CPNE7: variants seen among roughly 807,000 people sequenced by gnomAD.
CPNE7 encodes the protein copine 7.
Under a neutral mutation model 66.5 loss-of-function variants are expected in CPNE7, and 78 were observed. The ratio of observed to expected loss-of-function variants is 1.17; its 90% CI spans 0.98 to 1.42. CPNE7 has a LOEUF of 1.42. Among genes scored for constraint, CPNE7 ranks in the 40% most tolerant of loss-of-function variants. The pLI is 0.00. For synonymous variants in CPNE7, 468 were observed against 336.7 expected, an observed-to-expected ratio of 1.39 and a Z score of -4.27; for missense variants, 1,012 against 776.6, an observed-to-expected ratio of 1.30 and a Z score of -3.60.
chr16:89,579,100 C>A, intron 2 of CPNE7: 2 of 747,414 alleles, frequency 2.7e-6, no homozygotes, highest in Non-Finnish European at 4.0e-6. Context: ...ACCAGCCTGG[C>A]CAACATGATG....
chr16:89,575,806 G>A lies in CPNE7; in HGVS notation c.-92G>A, dbSNP rs1317831532. On this transcript the variant is annotated 5_prime_UTR_variant, in exon 1 of 15. Coordinates refer to ENST00000319518, the MANE Select transcript of CPNE7 (RefSeq NM_153636.3). ...GTTCAGGGAAGCGCGGCCACGCCTGGGCCGGCCACCATTTCCCGGGCGCCG... is the reference window on the plus strand; with the variant it reads ...GTTCAGGGAAGCGCGGCCACGCCTGAGCCGGCCACCATTTCCCGGGCGCCG... The A allele has an allele frequency of 2.1e-6, 2 of 972,580 alleles. No individual in the cohort carries two copies. The highest frequency in any genetic ancestry group is 2.5e-6 in the Non-Finnish European group (2 of 797,842). 60.2% of individuals were successfully genotyped at this position (972,580 alleles called of 1,614,324 possible).
At chr16:89,583,655 G>A (rs551078270) in intron 2 of CPNE7, 42 bp from the exon 3 acceptor site, 42 of 1,611,422 alleles carry the variant, frequency 2.6e-5, no homozygotes, top group Middle Eastern at 1.7e-4. Context: ...GTCAGGAGCC[G>A]TCCCCGCCTG....
rs754830577 is a variant in CPNE7, at chr16:89,591,080, G to C, written c.1168+22G>C. On this transcript the variant is annotated intron_variant, in intron 12 of 14. Transcript: ENST00000319518. The stretch of plus-strand genomic sequence containing the variant: ...GAAGGTAGGAGCTCGAGGCAGGCCT[G>C]GGGAGGGGAGTGCAGGGGGGCCGGG... 10 of 1,613,552 alleles carry C rather than the reference G, an allele frequency of 6.2e-6. 1 individual carries two copies. The South Asian group carries it at 1.1e-4, about 18-fold the overall frequency.
chr16:89,582,767 A>C (rs1287298901), intron 2 of CPNE7, among the ~76,000 whole-genome samples: 1 of 152,140 alleles, frequency 6.6e-6, no homozygotes, highest in Non-Finnish European at 1.5e-5. Context: ...CTTTGTATTC[A>C]ACCTACCTCA....
At chr16:89,587,576 A>C (rs1597708175) in intron 9 of CPNE7, 1 of 423,518 alleles carries the variant, frequency 2.4e-6, no homozygotes, top group East Asian at 7.1e-5. Flanking sequence ...AACGAGGAGA[A>C]ACTGGAGTGA....
chr16:89,584,742 C>A lies in CPNE7; in HGVS notation c.508-32C>A. 1.9e-6 allele frequency: 3 copies of A among 1,555,406 alleles called. No individual in the cohort carries two copies. Among genetic ancestry groups the A allele is most frequent in the Non-Finnish European group, 2.7e-6 (3 of 1,129,462 alleles). ...CCATCCAAAGCCCGATCTCACAGTGCCTGGCCCAGCAGCCCTTGTGCCTCT... is the reference window on the plus strand; with the variant it reads ...CCATCCAAAGCCCGATCTCACAGTGACTGGCCCAGCAGCCCTTGTGCCTCT... On this transcript the variant is annotated intron_variant, in intron 4 of 14. Transcript: ENST00000319518. The surrounding 1 kb of genome is among the most constrained non-coding windows in gnomAD (Gnocchi z 6.0).
chr16:89,595,417 C>T lies in CPNE7; in HGVS notation c.1353C>T (p.Ala451=), dbSNP rs780968245. 25 of 1,602,390 alleles carry T rather than the reference C, an allele frequency of 1.6e-5. No homozygotes were observed. Among genetic ancestry groups the T allele is most frequent in the African/African-American group, 1.3e-4 (10 of 74,732 alleles). Residue 451 remains alanine, a synonymous_variant, in exon 14 of 15, where the codon GCC becomes GCT. Coordinates refer to ENST00000319518, the MANE Select transcript of CPNE7 (RefSeq NM_153636.3). ...CGGACGGCGTGGTGACCGACATGGC[C>T]GACACACGGGAGGCCATTGTGCGTG... The part of the protein sequence containing the change: ...ILTDGVVTDM[A]DTREAIVRAS...
chr16:89,583,636 G>A, intron 2 of CPNE7, 61 bp from the exon 3 acceptor site: 1 of 1,609,482 alleles, frequency 6.2e-7, no homozygotes, highest in Non-Finnish European at 8.5e-7. Context: ...GCGCGGTGGG[G>A]TCTCCAGGGT....
rs1567955880 is a variant in CPNE7 at position 89,583,747 on chromosome 16, G to A, written c.408G>A (p.Arg136=). The change falls in exon 3 of 15, where the codon AGG becomes AGA. Residue 136 remains arginine (R), a synonymous_variant. Coordinates refer to ENST00000319518, the MANE Select transcript of CPNE7 (RefSeq NM_153636.3). ...GCCCGCTGCTGCTCAAGTTTGGCAG[G>A]AACGCTGGCAAGTCCACCATCACGG... is the stretch of plus-strand genomic sequence containing the variant. ...VTRPLLLKFG[R]NAGKSTITVI... The A allele has an allele frequency of 8.7e-6, 14 of 1,612,742 alleles. No individual in the cohort carries two copies. Among genetic ancestry groups the A allele is most frequent in the Non-Finnish European group, 1.2e-5 (14 of 1,179,922 alleles).
rs746899286 is a variant in CPNE7, at chr16:89,590,003, C to T, written c.1116+52C>T. ...CAGAGCTGTGCCCTTCTCGTGCCCT[C>T]CCAGGCAGAGGACGGCCTGGCCCAG... On this transcript the variant is annotated intron_variant, in intron 11 of 14. Coordinates refer to ENST00000319518, the MANE Select transcript of CPNE7 (RefSeq NM_153636.3). 13 of 1,601,036 alleles carry T rather than the reference C, an allele frequency of 8.1e-6. No homozygotes were observed. In the South Asian group the frequency reaches 1.3e-4, roughly 16 times the overall value.
chr16:89,576,979 G>A (rs1253306445), intron 1 of CPNE7, among the ~76,000 whole-genome samples: 1 of 152,214 alleles, frequency 6.6e-6, no homozygotes, highest in African/African-American at 2.4e-5. Flanking sequence ...GAGGCCTCGT[G>A]CCCGCACCCT....
chr16:89,583,904 G>T, intron 3 of CPNE7, 124 bp from the exon 4 acceptor site: 1 of 1,439,540 alleles, frequency 6.9e-7, no homozygotes. Context: ...ACAGCCCCGG[G>T]GGTACACAGA....
rs762806593 is a variant in CPNE7, at chr16:89,583,823, G to A, written c.432+52G>A. 7.3e-5 allele frequency: 117 copies of A among 1,596,842 alleles called. No individual in the cohort carries two copies. In the Admixed American group the frequency reaches 1.1e-3, roughly 16 times the overall value. Reference sequence around the variant, plus strand: ...CTGCAGGCCCTGCTGCTGTGGCTCCGAGGGGTGTTGTGGGCGGAAGATGGG... The same window carrying A: ...CTGCAGGCCCTGCTGCTGTGGCTCCAAGGGGTGTTGTGGGCGGAAGATGGG... On this transcript the variant is annotated intron_variant, in intron 3 of 14. Transcript: ENST00000319518.
In CPNE7 at chr16:89,588,952, C is replaced by T. The variant is rs574437481; in HGVS notation, c.1061+144C>T. Reference sequence around the variant, plus strand: ...CGGTTTTCCCTCACCCCCCTGGGCTCCAGGTCAGGCCTCGGGGCACCATGA... The same window carrying T: ...CGGTTTTCCCTCACCCCCCTGGGCTTCAGGTCAGGCCTCGGGGCACCATGA... On this transcript the variant is annotated intron_variant, in intron 10 of 14. Coordinates refer to ENST00000319518, the MANE Select transcript of CPNE7 (RefSeq NM_153636.3). 5.2e-5 allele frequency: 49 copies of T among 944,756 alleles called. No individual in the cohort carries two copies. In the African/African-American group the frequency reaches 7.0e-4, roughly 13 times the overall value. 58.5% of individuals were successfully genotyped at this position (944,756 alleles called of 1,614,324 possible).
intron 13 of CPNE7, 81 bp from the exon 14 acceptor site, chr16:89,595,286 C>G: frequency 1.7e-6 from 2 of 1,192,708 alleles, no homozygotes. Context: ...GCACTCTGGG[C>G]TGTCTGGGGG....
At position 89,588,617 on chromosome 16, in the gene CPNE7, A is replaced by G. The variant is rs1253739163; in HGVS notation, c.928-58A>G. On this transcript the variant is annotated intron_variant, in intron 9 of 14. Coordinates refer to ENST00000319518, the MANE Select transcript of CPNE7 (RefSeq NM_153636.3). ...TCTGGGCGTGGTTTCTCTACCTGTC[A>G]GGAGCGGGTTCGGGGAGCCCCGGCC... The G allele has an allele frequency of 7.5e-6, 12 of 1,605,906 alleles. No individual in the cohort carries two copies. The African/African-American group carries it at 9.4e-5, about 13-fold the overall frequency.
chr16:89,590,385 C>T (rs539802065), intron 11 of CPNE7, among the ~76,000 whole-genome samples: 7 of 152,108 alleles, frequency 4.6e-5, no homozygotes, highest in African/African-American at 1.4e-4. Flanking sequence ...ATTAGCTGGG[C>T]GTGGTGGCAC....
At chr16:89,586,940 C>G (rs550093955) in intron 8 of CPNE7, 103 bp from the exon 9 acceptor site, 2 of 1,219,600 alleles carry the variant, frequency 1.6e-6, no homozygotes, top group Non-Finnish European at 2.4e-6. Context: ...GAGGGTGGCA[C>G]CCCAGAGGGA....
chr16:89,582,320 C>T (rs893857730), intron 2 of CPNE7, among the ~76,000 whole-genome samples: 4 of 152,226 alleles, frequency 2.6e-5, no homozygotes, highest in African/African-American at 9.6e-5. Context: ...CCAGGAAGTG[C>T]TTATTAAACG....
Sources: allele counts gnomAD v4.1 joint callset (sites outside exome capture counted in the v4.1 genomes callset), GRCh38; gene constraint gnomAD v4.1.1; non-coding constraint Gnocchi (gnomAD v3.1); transcripts MANE v1.5; gene names NCBI Gene and HGNC (gene_info 2026-07-23, HGNC 2026-07-21).